The following PLEKHA4 variants were observed in gnomAD, a reference collection of about 807,000 sequenced individuals.
PLEKHA4 encodes the protein pleckstrin homology domain-containing family A member 4.
In PLEKHA4, 73 loss-of-function variants were observed where a neutral mutation model predicts 94.7. The ratio of observed to expected loss-of-function variants is 0.77; its 90% CI spans 0.64 to 0.94. The LOEUF is 0.94. Among genes scored for constraint, PLEKHA4 ranks in the 40% least tolerant of loss-of-function variants. The pLI, the probability that PLEKHA4 is intolerant of heterozygous loss-of-function variation, is 0.00. For missense variants in PLEKHA4, 1,049 were observed against 1,054.1 expected (o/e 1.00, Z 0.07); for synonymous variants, 449 against 437.1 (o/e 1.03, Z -0.34).
At chr19:48,848,796 C>CAA (rs34068951) in intron 13 of PLEKHA4, among the ~76,000 whole-genome samples, 2 of 107,234 alleles carry the variant, frequency 1.9e-5, no homozygotes, top group Non-Finnish European at 4.1e-5. Context: ...GACACTGTCT[C>CAA]AAAAAAAAAA....
intron 16 of PLEKHA4, among the ~76,000 whole-genome samples, chr19:48,842,975 T>C (rs1322566517): frequency 2.6e-5 from 4 of 152,138 alleles, no homozygotes; most frequent in African/African-American, 9.7e-5. Context: ...TGGCAGCCCC[T>C]GAAACCACCC....
chr19:48,843,817 C>A (rs943555660), intron 16 of PLEKHA4, among the ~76,000 whole-genome samples: 1 of 151,474 alleles, frequency 6.6e-6, no homozygotes, highest in Non-Finnish European at 1.5e-5. Context: ...GCTGCTACAC[C>A]CGGCTAATTT....
chr19:48,837,440 C>A lies in PLEKHA4; in HGVS notation c.2189G>T (p.Gly730Val). Residue 730 changes from glycine to valine, a missense_variant, in exon 20 of 20, where the codon GGT becomes GTT. Transcript: ENST00000263265. The surrounding 1 kb of genome is among the most constrained non-coding windows in gnomAD (Gnocchi z 4.3). ...PPRSPPVANSGSTGFSRRGSG... is the reference protein window; with the variant it reads ...PPRSPPVANSVSTGFSRRGSG... ...CCCTCGGCGAGAGAACCCCGTGGAA[C>A]CCGAATTAGCCACCGGGGGAGATCT... 6.2e-7 allele frequency: 1 copy of A among 1,613,318 alleles called. No individual in the cohort carries two copies.
intron 13 of PLEKHA4, 100 bp downstream of exon 13, chr19:48,852,128 C>T (rs45589039): frequency 0.12 from 102,236 of 881,492 alleles, 7,083 homozygotes; most frequent in Non-Finnish European, 0.14. Flanking sequence ...GTCAACTGGG[C>T]GGGGCCTCGA....
rs895739497 is a variant in PLEKHA4 at position 48,844,156 on chromosome 19, T to TTATTAC, written c.1743+1213_1743+1214insGTAATA. The stretch of plus-strand genomic sequence containing the variant: ...ATTATTATTATTATTATTATTATTA[T>TTATTAC]TATTATTATTATTTTCGAGACAGAG... On this transcript the variant is annotated intron_variant, in intron 16 of 19. Transcript: ENST00000263265. Among the ~76,000 whole-genome samples, 20 of 114,572 alleles carry TTATTAC rather than the reference T, an allele frequency of 1.7e-4. No individual in the cohort carries two copies. The East Asian group carries it at 4.3e-3, about 24-fold the overall frequency. 75.2% of individuals were successfully genotyped at this position (114,572 alleles called of 152,430 possible).
At chr19:48,847,738 A>C (rs2036020049) in intron 14 of PLEKHA4, among the ~76,000 whole-genome samples, 162 bp downstream of exon 14, 2 of 151,880 alleles carry the variant, frequency 1.3e-5, no homozygotes, top group Non-Finnish European at 2.9e-5. Flanking sequence ...TCTCAAAAAA[A>C]CCCCCGAAAA....
intron 14 of PLEKHA4, 142 bp downstream of exon 14, chr19:48,847,758 C>T: frequency 1.0e-6 from 1 of 975,308 alleles, no homozygotes; most frequent in Non-Finnish European, 1.4e-6. Context: ...AAAAAGAAAA[C>T]AAAGGCTTCC....
intron 14 of PLEKHA4, among the ~76,000 whole-genome samples, chr19:48,847,292 C>T (rs1315621456): frequency 6.6e-6 from 1 of 152,062 alleles, no homozygotes; most frequent in Non-Finnish European, 1.5e-5. Flanking sequence ...AAAAATTAGC[C>T]AGGCATGATG....
Position 48,867,497 on chromosome 19 carries a change from A to G in PLEKHA4, c.84+40T>C, listed in dbSNP as rs1198106626. 3 of 1,559,128 alleles carry G rather than the reference A, an allele frequency of 1.9e-6. No homozygotes were observed. The highest frequency in any genetic ancestry group is 2.6e-6 in the Non-Finnish European group (3 of 1,151,262). ...GGAAACAGAAGGATGGGCGGCCCAG[A>G]GCCCCACCTTCCTCCCCATCCCCGC... On this transcript the variant is annotated intron_variant, in intron 2 of 19. Transcript: ENST00000263265. The surrounding 1 kb of genome is among the most constrained non-coding windows in gnomAD (Gnocchi z 4.7).
At chr19:48,859,349 C>T (rs2036548997) in intron 7 of PLEKHA4, 120 bp downstream of exon 7, 2 of 1,120,526 alleles carry the variant, frequency 1.8e-6, no homozygotes, top group Non-Finnish European at 2.6e-6. Context: ...GCTGTGACCC[C>T]CACGGGAGCC....
At chr19:48,855,004 C>T (rs909974033) in intron 9 of PLEKHA4, among the ~76,000 whole-genome samples, 3 of 151,944 alleles carry the variant, frequency 2.0e-5, no homozygotes, top group East Asian at 1.9e-4. Flanking sequence ...CCAAGCCTAG[C>T]GACCCCTCTC....
intron 8 of PLEKHA4, 26 bp from the exon 9 acceptor site, chr19:48,857,522 GT>G: frequency 2.2e-6 from 3 of 1,335,940 alleles, no homozygotes; most frequent in Non-Finnish European, 3.2e-6. Context: ...AAATGGAGAT[GT>G]TTAGAAACTG....
At chr19:48,859,382 G>A in intron 7 of PLEKHA4, 87 bp downstream of exon 7, 1 of 1,409,936 alleles carries the variant, frequency 7.1e-7, no homozygotes, top group South Asian at 1.2e-5. Flanking sequence ...ACACACTCAA[G>A]CAGAAAGCGC....
At chr19:48,853,201 T>C (rs948582034) in intron 12 of PLEKHA4, among the ~76,000 whole-genome samples, 2 of 152,038 alleles carry the variant, frequency 1.3e-5, no homozygotes, top group Non-Finnish European at 2.9e-5. Context: ...CATTCATTCA[T>C]TCACTCATTT....
chr19:48,849,730 G>A (rs1443040494), intron 13 of PLEKHA4, among the ~76,000 whole-genome samples: 3 of 152,196 alleles, frequency 2.0e-5, no homozygotes, highest in Admixed American at 1.3e-4. Flanking sequence ...CTAAAGGAAT[G>A]GGTTCAGAAC....
intron 14 of PLEKHA4, among the ~76,000 whole-genome samples, 153 bp from the exon 15 acceptor site, chr19:48,845,769 C>A (rs1211510728): frequency 1.3e-5 from 2 of 151,828 alleles, no homozygotes; most frequent in African/African-American, 2.4e-5. Context: ...AATCCCAGCG[C>A]TTTGGGAGGC....
chr19:48,843,282 G>A (rs377677321), intron 16 of PLEKHA4, among the ~76,000 whole-genome samples: 5 of 151,924 alleles, frequency 3.3e-5, no homozygotes, highest in South Asian at 2.1e-4. Context: ...AGGTTCAAGC[G>A]ATTCTCCTGC....
rs2036382532 is a variant in PLEKHA4 at position 48,855,814 on chromosome 19, T to TA, written c.1048-1551_1048-1550insT. Among the ~76,000 whole-genome samples, 7 of 150,036 alleles carry TA rather than the reference T, an allele frequency of 4.7e-5. 1 individual carries two copies. The highest frequency in any genetic ancestry group is 1.7e-4 in the African/African-American group (7 of 40,832). ...AAGAAAATAAATAATTTTTTTTAAT[T>TA]TAAAAAAAAACAAAAAACAGCCTGG... is the stretch of plus-strand genomic sequence containing the variant. On this transcript the variant is annotated intron_variant, in intron 9 of 19. Coordinates refer to ENST00000263265, the MANE Select transcript of PLEKHA4 (RefSeq NM_020904.3).
chr19:48,853,572 G>C, intron 12 of PLEKHA4, 110 bp downstream of exon 12: 3 of 1,124,670 alleles, frequency 2.7e-6, no homozygotes, highest in Middle Eastern at 3.2e-4. Context: ...TTGGAGTGTA[G>C]ACTTCTGAAG....
Sources: allele counts gnomAD v4.1 joint callset (sites outside exome capture counted in the v4.1 genomes callset), GRCh38; gene constraint gnomAD v4.1.1; non-coding constraint Gnocchi (gnomAD v3.1); transcripts MANE v1.5; gene names NCBI Gene and HGNC (gene_info 2026-07-23, HGNC 2026-07-21).